Variants in TRIM2 observed in about 807,000 individuals in gnomAD.
TRIM2 encodes the protein tripartite motif-containing protein 2.
A neutral mutation model predicts 75.2 loss-of-function variants in TRIM2; 20 were observed. That is an observed-to-expected ratio of 0.27 (90% CI 0.19 to 0.39). The LOEUF (loss-of-function observed/expected upper bound fraction) is 0.39, where lower values mean the gene tolerates loss of function less well. TRIM2 is among the 10% of genes least tolerant of loss of function. The pLI is 1.00. For missense variants in TRIM2, 660 were observed against 990.8 expected, an observed-to-expected ratio of 0.67 and a Z score of 4.48; for synonymous variants, 373 against 388.3, an observed-to-expected ratio of 0.96 and a Z score of 0.46.
chr4:153,296,564 G>C (rs540998755), intron 6 of TRIM2, among the ~76,000 whole-genome samples: 2 of 152,286 alleles, frequency 1.3e-5, no homozygotes, highest in South Asian at 4.2e-4. Context: ...ACCTCCAGCT[G>C]TGTGTAGCTG....
chr4:153,163,394 G>C lies in TRIM2; in HGVS notation c.-49+10124G>C, dbSNP rs185401883. The stretch of plus-strand genomic sequence containing the variant: ...AGATGAGGTCTCACTATGTTGTCCA[G>C]GCTGGTCTCAAACTCCTGGCCTCAA... On this transcript the variant is annotated intron_variant, in intron 1 of 11. Coordinates refer to the TRIM2 transcript ENST00000437508. 3.3e-3 allele frequency among the ~76,000 whole-genome samples: 505 copies of C among 151,564 alleles called. 3 individuals are homozygous for C. The highest frequency in any genetic ancestry group is 0.011 in the African/African-American group (457 of 41,298).
At chr4:153,299,912 G>A (rs779405148) in intron 6 of TRIM2, among the ~76,000 whole-genome samples, 4 of 152,186 alleles carry the variant, frequency 2.6e-5, no homozygotes, top group Non-Finnish European at 4.4e-5. Flanking sequence ...GAACAACACA[G>A]CAGTAGGAGC....
intron 1 of TRIM2, among the ~76,000 whole-genome samples, chr4:153,175,155 T>C (rs1731289826): frequency 6.6e-6 from 1 of 152,160 alleles, no homozygotes. Context: ...TCACTGGAAT[T>C]ACAGGCGTCT....
intron 1 of TRIM2, among the ~76,000 whole-genome samples, chr4:153,187,561 G>C (rs910498470): frequency 6.6e-6 from 1 of 152,186 alleles, no homozygotes; most frequent in African/African-American, 2.4e-5. Flanking sequence ...GAGGAAGAAG[G>C]CTGCGTTGAG....
chr4:153,190,866 T>C, intron 1 of TRIM2, among the ~76,000 whole-genome samples: 1 of 151,910 alleles, frequency 6.6e-6, no homozygotes, highest in East Asian at 1.9e-4. Flanking sequence ...GCACCCCGGG[T>C]AGCTGGGGTT....
At chr4:153,201,062 C>G (rs1434517330), upstream of TRIM2, among the ~76,000 whole-genome samples, 5 of 152,060 alleles carry the variant, frequency 3.3e-5, no homozygotes, top group Admixed American at 3.3e-4. Context: ...CTCCTGGGTT[C>G]AAGCAATTCT....
At position 153,224,061 on chromosome 4, in the gene TRIM2, G is replaced by A. The variant is rs918544151; in HGVS notation, c.30+19501G>A. On this transcript the variant is annotated intron_variant, in intron 1 of 11. Coordinates refer to ENST00000338700, the MANE Select transcript of TRIM2 (RefSeq NM_015271.5). The stretch of plus-strand genomic sequence containing the variant: ...AGGGGGTGGGAGGAGGTATTGTGCT[G>A]GGTCCACTGCTTCCCAGCTCCACGT... Among the ~76,000 whole-genome samples, 10 of 152,230 alleles carry A rather than the reference G, an allele frequency of 6.6e-5. No individual in the cohort carries two copies. In the East Asian group the frequency reaches 1.9e-3, roughly 29 times the overall value.
intron 1 of TRIM2, among the ~76,000 whole-genome samples, chr4:153,210,516 A>G (rs558793408): frequency 6.6e-6 from 1 of 152,336 alleles, no homozygotes; most frequent in East Asian, 1.9e-4. Context: ...CATTTCCAGG[A>G]ATGCCAAATG....
In TRIM2 at chr4:153,214,352, G is replaced by A. The variant is rs571705577; in HGVS notation, c.30+9792G>A. Among the ~76,000 whole-genome samples, 18 of 152,304 alleles carry A rather than the reference G, an allele frequency of 1.2e-4. No homozygotes were observed. In the Middle Eastern group the frequency reaches 0.01, roughly 86 times the overall value. ...AATAACCTGCATAGTGTTGAGGAGA[G>A]CTTGGATTTAAGAGATTAAGAGGGT... On this transcript the variant is annotated intron_variant, in intron 1 of 11. Coordinates refer to ENST00000338700, the MANE Select transcript of TRIM2 (RefSeq NM_015271.5).
chr4:153,188,142 CA>C (rs1212052862), intron 1 of TRIM2, among the ~76,000 whole-genome samples: 15 of 152,138 alleles, frequency 9.9e-5, no homozygotes, highest in Non-Finnish European at 1.9e-4. Context: ...CTGGAAGGAA[CA>C]TTTTTAAAGT....
At chr4:153,271,842 A>G (rs1218204692) in intron 2 of TRIM2, among the ~76,000 whole-genome samples, 1 of 152,156 alleles carries the variant, frequency 6.6e-6, no homozygotes, top group East Asian at 1.9e-4. Context: ...TACTCTCTAT[A>G]GAAGTGCATT....
At chr4:153,202,107 T>A (rs1259724951), upstream of TRIM2, among the ~76,000 whole-genome samples, 2 of 152,216 alleles carry the variant, frequency 1.3e-5, no homozygotes, top group East Asian at 3.8e-4. Context: ...TCATAAACAT[T>A]TTCAAACTAA....
intron 6 of TRIM2, among the ~76,000 whole-genome samples, chr4:153,303,312 A>AT (rs541765073): frequency 3.9e-4 from 55 of 141,656 alleles, no homozygotes; most frequent in South Asian, 2.7e-3. Flanking sequence ...AAAAAAAAAA[A>AT]ATATATAAAA....
intron 6 of TRIM2, among the ~76,000 whole-genome samples, chr4:153,307,246 C>CAAAG (rs1366681376): frequency 6.6e-6 from 1 of 152,036 alleles, no homozygotes; most frequent in Non-Finnish European, 1.5e-5. Context: ...AGTCATTGAA[C>CAAAG]AAAGGGTAAG....
intron 1 of TRIM2, among the ~76,000 whole-genome samples, chr4:153,166,501 C>T (rs1412944033): frequency 6.6e-6 from 1 of 151,478 alleles, no homozygotes; most frequent in Admixed American, 6.6e-5. Flanking sequence ...CCTTCCCTCC[C>T]TCCCTCTTTT....
At chr4:153,255,483 G>A (rs1751853532) in intron 1 of TRIM2, among the ~76,000 whole-genome samples, 1 of 152,176 alleles carries the variant, frequency 6.6e-6, no homozygotes, top group African/African-American at 2.4e-5. Context: ...GTAGCAGAAT[G>A]AGAAGAAGAA....
rs781365914 is a variant in TRIM2 at position 153,302,247 on chromosome 4, C to T, written c.1510+6211C>T. Reference sequence around the variant, plus strand: ...TTAGTTTTTTTCTTTTTCTTGCATTCGTCTTTAACTTTACATTCAAATCCA... The same window carrying T: ...TTAGTTTTTTTCTTTTTCTTGCATTTGTCTTTAACTTTACATTCAAATCCA... On this transcript the variant is annotated intron_variant, in intron 6 of 11. Coordinates refer to ENST00000338700, the MANE Select transcript of TRIM2 (RefSeq NM_015271.5). Among the ~76,000 whole-genome samples, 5 of 152,088 alleles carry T rather than the reference C, an allele frequency of 3.3e-5. No homozygotes were observed. In the East Asian group the frequency reaches 7.7e-4, roughly 23 times the overall value.
chr4:153,296,682 G>C (rs1279145900), intron 6 of TRIM2, among the ~76,000 whole-genome samples: 3 of 152,218 alleles, frequency 2.0e-5, no homozygotes, highest in African/African-American at 7.2e-5. Flanking sequence ...AAGAGAGTTA[G>C]GAATGCAAAT....
At chr4:153,255,896 T>A (rs1309596251) in intron 1 of TRIM2, among the ~76,000 whole-genome samples, 1 of 152,186 alleles carries the variant, frequency 6.6e-6, no homozygotes, top group Non-Finnish European at 1.5e-5. Flanking sequence ...GGGAAACCTT[T>A]AGCGACAGAA....
Sources: allele counts gnomAD v4.1 joint callset (sites outside exome capture counted in the v4.1 genomes callset), GRCh38; gene constraint gnomAD v4.1.1; transcripts MANE v1.5; gene names NCBI Gene and HGNC (gene_info 2026-07-23, HGNC 2026-07-21).